The following RBFOX3 variants were observed in gnomAD, a reference collection of about 807,000 sequenced individuals.
RBFOX3 encodes the protein RNA binding fox-1 homolog 3.
A neutral mutation model predicts 48.7 loss-of-function variants in RBFOX3; 17 were observed. The observed-to-expected ratio is 0.35, with a 90% CI of 0.24 to 0.52. The LOEUF is 0.52. Among genes scored for constraint, RBFOX3 ranks in the 20% least tolerant of loss-of-function variants. RBFOX3 has a pLI of 0.94. For missense variants in RBFOX3, 382 were observed against 497.5 expected (o/e 0.77, Z 2.21); for synonymous variants, 212 against 209.5 (o/e 1.01, Z -0.10).
At chr17:79,301,571 G>A (rs913439622) in intron 3 of RBFOX3, among the ~76,000 whole-genome samples, 2 of 152,214 alleles carry the variant, frequency 1.3e-5, no homozygotes, top group East Asian at 1.9e-4. Flanking sequence ...AAGCAGGGGA[G>A]GAGCACCTCG....
intron 4 of RBFOX3, among the ~76,000 whole-genome samples, chr17:79,140,089 C>CA (rs2041612378): frequency 6.6e-6 from 1 of 152,240 alleles, no homozygotes; most frequent in Non-Finnish European, 1.5e-5. Flanking sequence ...CTGGCATCTC[C>CA]ATGGGTAGCT....
intron 1 of RBFOX3, among the ~76,000 whole-genome samples, chr17:79,543,912 A>AC (rs1159755746): frequency 6.6e-6 from 1 of 151,818 alleles, no homozygotes; most frequent in African/African-American, 2.4e-5. Context: ...TGAGCCCCCT[A>AC]CCCCCCAGAG....
intron 1 of RBFOX3, among the ~76,000 whole-genome samples, chr17:79,515,317 C>G (rs2085095340): frequency 6.6e-6 from 1 of 152,164 alleles, no homozygotes; most frequent in Admixed American, 6.5e-5. Context: ...CAGCCTACAG[C>G]TGGGAGACAG....
At chr17:79,177,400 G>A (rs1033516709) in intron 4 of RBFOX3, among the ~76,000 whole-genome samples, 2 of 152,316 alleles carry the variant, frequency 1.3e-5, no homozygotes, top group East Asian at 1.9e-4. Context: ...CAGGTCTAGC[G>A]GGCAGCAGAC....
intron 2 of RBFOX3, among the ~76,000 whole-genome samples, chr17:79,447,395 G>A (rs1355441477): frequency 6.6e-6 from 1 of 152,164 alleles, no homozygotes; most frequent in Non-Finnish European, 1.5e-5. Flanking sequence ...CTCCACAGAT[G>A]CCGTGTTTGC....
At chr17:79,486,047 C>T (rs965269863) in intron 1 of RBFOX3, among the ~76,000 whole-genome samples, 8 of 152,258 alleles carry the variant, frequency 5.3e-5, no homozygotes, top group Admixed American at 1.3e-4. Context: ...CTTGGTGCTG[C>T]GGGGTTTAGG....
rs2059527686 is a variant in RBFOX3, at chr17:79,220,014, G to T, written c.-34+15752C>A. Among the ~76,000 whole-genome samples the T allele has an allele frequency of 7.0e-6, 1 of 143,116 alleles. No individual in the cohort carries two copies. The allele number at this position is 143,116 out of a possible 152,430, so 93.9% of individuals were successfully genotyped here. ...CGACAGCCAGCACTTCCTGTCTGGG[G>T]ACACCTCCAACCGGCACCCCTGCCT... On this transcript the variant is annotated intron_variant, in intron 4 of 14. Transcript: ENST00000693108. The surrounding 1 kb of genome is among the most constrained non-coding windows in gnomAD (Gnocchi z 5.9).
chr17:79,158,668 TCA>T (rs1212477700), intron 4 of RBFOX3, among the ~76,000 whole-genome samples: 2 of 152,140 alleles, frequency 1.3e-5, no homozygotes, highest in African/African-American at 4.8e-5. Context: ...TGGCTAGGGC[TCA>T]GAGCTCACTG....
intron 2 of RBFOX3, among the ~76,000 whole-genome samples, chr17:79,382,102 G>A (rs565317521): frequency 2.3e-4 from 35 of 152,328 alleles, no homozygotes; most frequent in African/African-American, 6.3e-4. Context: ...ATAGGAGACC[G>A]TGCTGGGCTT....
chr17:79,230,728 G>C (rs2060939412), intron 4 of RBFOX3, among the ~76,000 whole-genome samples: 1 of 152,176 alleles, frequency 6.6e-6, no homozygotes, highest in Non-Finnish European at 1.5e-5. Flanking sequence ...CTAGGACTGT[G>C]TGTCCCAGGC....
intron 1 of RBFOX3, among the ~76,000 whole-genome samples, chr17:79,562,247 T>C (rs1245025236): frequency 6.6e-6 from 1 of 152,204 alleles, no homozygotes; most frequent in African/African-American, 2.4e-5. Flanking sequence ...ATGGAAGTCC[T>C]GAGCCCTCAC....
intron 4 of RBFOX3, among the ~76,000 whole-genome samples, chr17:79,228,214 G>A (rs995220175): frequency 6.6e-6 from 1 of 152,140 alleles, no homozygotes; most frequent in Non-Finnish European, 1.5e-5. Context: ...GCTATCCGTG[G>A]GCTCTCCGTG....
intron 12 of RBFOX3, among the ~76,000 whole-genome samples, chr17:79,096,158 G>GC (rs1244630965): frequency 4.6e-5 from 7 of 152,204 alleles, no homozygotes; most frequent in Non-Finnish European, 8.8e-5. Context: ...ATGGGGTGTG[G>GC]CCGTCAGTGA....
At chr17:79,145,397 G>A (rs2042822061) in intron 4 of RBFOX3, among the ~76,000 whole-genome samples, 2 of 152,222 alleles carry the variant, frequency 1.3e-5, no homozygotes, top group Admixed American at 6.5e-5. Context: ...TGGTGCCTGG[G>A]TGCCCTCCCT....
At chr17:79,106,891 C>G in intron 5 of RBFOX3, 103 bp from the exon 6 acceptor site, 1 of 1,366,960 alleles carries the variant, frequency 7.3e-7, no homozygotes, top group Non-Finnish European at 9.5e-7. Flanking sequence ...TTCTCCCCAC[C>G]CTTCTGGGCC....
intron 4 of RBFOX3, among the ~76,000 whole-genome samples, chr17:79,174,179 G>C (rs183870429): frequency 2.6e-4 from 40 of 152,218 alleles, no homozygotes; most frequent in African/African-American, 9.4e-4. Context: ...AGGTTTCCTG[G>C]GGCAGGGACG....
At chr17:79,524,686 G>A (rs918563613) in intron 1 of RBFOX3, among the ~76,000 whole-genome samples, 3 of 152,184 alleles carry the variant, frequency 2.0e-5, no homozygotes, top group African/African-American at 4.8e-5. Flanking sequence ...GCCCCCGGCC[G>A]GGCTGGGAGC....
intron 1 of RBFOX3, among the ~76,000 whole-genome samples, chr17:79,589,700 C>G (rs1018908715): frequency 6.6e-6 from 1 of 152,094 alleles, no homozygotes; most frequent in African/African-American, 2.4e-5. Context: ...CCCTGGAGAA[C>G]GGCAGTGAAG....
intron 1 of RBFOX3, among the ~76,000 whole-genome samples, chr17:79,552,573 C>G (rs1843413991): frequency 6.6e-6 from 1 of 152,128 alleles, no homozygotes; most frequent in Admixed American, 6.6e-5. Context: ...AGGGCCTGAA[C>G]AGGGCCTGGT....
Sources: allele counts gnomAD v4.1 joint callset (sites outside exome capture counted in the v4.1 genomes callset), GRCh38; gene constraint gnomAD v4.1.1; non-coding constraint Gnocchi (gnomAD v3.1); transcripts MANE v1.5; gene names NCBI Gene and HGNC (gene_info 2026-07-23, HGNC 2026-07-21).